The following THSD7B variants were observed in gnomAD, a reference collection of about 807,000 sequenced individuals.
THSD7B encodes the protein thrombospondin type 1 domain containing 7B.
A neutral mutation model predicts 213.6 loss-of-function variants in THSD7B; 138 were observed. The ratio of observed to expected loss-of-function variants is 0.65; its 90% CI spans 0.56 to 0.74. The LOEUF is 0.74. Ranked by LOEUF, THSD7B falls within the 30% of genes least tolerant of loss-of-function variation. The probability of loss-of-function intolerance (pLI) is 0.00; values close to 1 mark genes in which losing one functional copy is unlikely to be tolerated. For missense variants in THSD7B, 1,931 were observed against 1,991.5 expected, an observed-to-expected ratio of 0.97 and a Z score of 0.58; for synonymous variants, 742 against 687.0, an observed-to-expected ratio of 1.08 and a Z score of -1.25.
At chr2:137,395,504 G>A (rs1207762644) in intron 12 of THSD7B, among the ~76,000 whole-genome samples, 2 of 151,186 alleles carry the variant, frequency 1.3e-5, no homozygotes, top group Non-Finnish European at 3.0e-5. Context: ...TGCATCCCAG[G>A]GATGAAGCCC....
chr2:137,342,729 T>C (rs978670405), intron 12 of THSD7B, among the ~76,000 whole-genome samples: 4 of 151,556 alleles, frequency 2.6e-5, no homozygotes, highest in Admixed American at 6.6e-5. Flanking sequence ...TTTTGTTTTG[T>C]TTTGTTTTAT....
intron 15 of THSD7B, among the ~76,000 whole-genome samples, chr2:137,487,393 A>AG: frequency 7.0e-6 from 1 of 143,408 alleles, no homozygotes; most frequent in Non-Finnish European, 1.5e-5. Flanking sequence ...AAAAAAAAAA[A>AG]AAAAAAGAAC....
At chr2:136,835,572 T>C (rs1682829989) in intron 1 of THSD7B, among the ~76,000 whole-genome samples, 1 of 152,188 alleles carries the variant, frequency 6.6e-6, no homozygotes, top group East Asian at 1.9e-4. Flanking sequence ...AGCTGACTTT[T>C]ATACCCATAC....
In THSD7B at chr2:137,663,399, G is replaced by A. The variant is rs755958714; in HGVS notation, c.4475G>A (p.Cys1492Tyr). The A allele has an allele frequency of 6.3e-7, 1 of 1,584,804 alleles. No homozygotes were observed. The highest frequency in any genetic ancestry group is 8.6e-7 in the Non-Finnish European group (1 of 1,164,850). The change falls in exon 26 of 28, where the codon TGT becomes TAT. Residue 1492 changes from cysteine to tyrosine, a missense_variant. Cys to Tyr is a radical substitution (Grantham distance 194, BLOSUM62 -2). Coordinates refer to ENST00000409968, the MANE Select transcript of THSD7B (RefSeq NM_001316349.2). Reference sequence around the variant, plus strand: ...ATGCTGTAGGGTGGAGTCTGTGGTTGTGAGAAGGGCTATACAGAGATAATG... The same window carrying A: ...ATGCTGTAGGGTGGAGTCTGTGGTTATGAGAAGGGCTATACAGAGATAATG... ...SYCTQGGVCGCEKGYTEIMKS... is the reference protein window; with the variant it reads ...SYCTQGGVCGYEKGYTEIMKS...
chr2:136,945,777 G>A (rs2659000), intron 2 of THSD7B, among the ~76,000 whole-genome samples: 61,853 of 151,976 alleles, frequency 0.41, 14,794 homozygotes, highest in Non-Finnish European at 0.55. Flanking sequence ...ATTGAAGCTT[G>A]TGCATGCGTC....
At chr2:137,622,728 G>A (rs1258489011) in intron 20 of THSD7B, among the ~76,000 whole-genome samples, 2 of 152,134 alleles carry the variant, frequency 1.3e-5, no homozygotes, top group Non-Finnish European at 2.9e-5. Flanking sequence ...AGAAAATCTA[G>A]AAGAAATGGA....
At chr2:136,876,875 C>T (rs1225996111) in intron 1 of THSD7B, among the ~76,000 whole-genome samples, 1 of 152,140 alleles carries the variant, frequency 6.6e-6, no homozygotes, top group Non-Finnish European at 1.5e-5. Flanking sequence ...TGGGTAAACA[C>T]ATGTGTTTGT....
intron 12 of THSD7B, among the ~76,000 whole-genome samples, chr2:137,334,579 C>G (rs1327671687): frequency 6.6e-6 from 1 of 152,158 alleles, no homozygotes; most frequent in Non-Finnish European, 1.5e-5. Context: ...TCCAGCCCTA[C>G]TCTCCTGTAA....
At chr2:137,143,894 T>A (rs1432202) in intron 5 of THSD7B, among the ~76,000 whole-genome samples, 7 of 151,976 alleles carry the variant, frequency 4.6e-5, no homozygotes, top group Non-Finnish European at 1.0e-4. Context: ...ATTTTTTTGA[T>A]TTGTACATAT....
intron 2 of THSD7B, among the ~76,000 whole-genome samples, chr2:137,002,320 C>T (rs1259651480): frequency 6.6e-6 from 1 of 152,088 alleles, no homozygotes; most frequent in East Asian, 1.9e-4. Flanking sequence ...AGTAAACCTT[C>T]TCATGTTACA....
intron 1 of THSD7B, among the ~76,000 whole-genome samples, chr2:136,785,467 G>A (rs1412546620): frequency 0.01 from 1 of 96 alleles, no homozygotes; most frequent in Non-Finnish European, 0.022. Flanking sequence ...TTCCATCTTG[G>A]AGGACCCAGA....
At chr2:137,123,947 A>G (rs1000132277) in intron 5 of THSD7B, among the ~76,000 whole-genome samples, 14 of 152,182 alleles carry the variant, frequency 9.2e-5, no homozygotes, top group Non-Finnish European at 4.4e-5. Flanking sequence ...CAAAAGGTAG[A>G]TAAGAACTCA....
chr2:137,223,392 G>A (rs1681416547), intron 7 of THSD7B, among the ~76,000 whole-genome samples: 1 of 152,150 alleles, frequency 6.6e-6, no homozygotes, highest in African/African-American at 2.4e-5. Flanking sequence ...ATGTTTCTCT[G>A]ACCCTTGGCT....
At chr2:136,797,974 T>C (rs961165504) in intron 1 of THSD7B, among the ~76,000 whole-genome samples, 1 of 151,954 alleles carries the variant, frequency 6.6e-6, no homozygotes, top group East Asian at 1.9e-4. Flanking sequence ...ACTTTCTCAC[T>C]ACTATAATTC....
At position 137,115,251 on chromosome 2, in the gene THSD7B, GC is replaced by G; in HGVS notation, c.1330del (p.Gln444ArgfsTer9). Reference protein sequence around the residue: ...GGIQTREVYCAQSVPAAAALR... With the variant: ...GGIQTREVYCXQSVPAAAALR... ...GATCCAGACCCGGGAGGTGTACTGT[GC>G]CCAGAGCGTACCAGCAGCTGCCGCA... On this transcript the variant is annotated frameshift_variant, in exon 5 of 28. Coordinates refer to ENST00000409968, the MANE Select transcript of THSD7B (RefSeq NM_001316349.2). LOFTEE classifies it high-confidence loss of function. 1 of 1,607,656 alleles carries G rather than the reference GC, an allele frequency of 6.2e-7. No homozygotes were observed. Among genetic ancestry groups the G allele is most frequent in the Non-Finnish European group, 8.5e-7 (1 of 1,177,426 alleles).
intron 15 of THSD7B, among the ~76,000 whole-genome samples, chr2:137,479,954 T>G (rs1054757932): frequency 6.6e-6 from 1 of 152,142 alleles, no homozygotes; most frequent in African/African-American, 2.4e-5. Flanking sequence ...TCAGGGGGTC[T>G]CCCATGGCTA....
intron 1 of THSD7B, among the ~76,000 whole-genome samples, chr2:136,807,891 G>C (rs1255970075): frequency 5.3e-5 from 8 of 152,182 alleles, no homozygotes; most frequent in Non-Finnish European, 1.5e-5. Context: ...TTGTTGAACA[G>C]TAGTAAAAAC....
chr2:137,644,540 T>C (rs2104864402), intron 21 of THSD7B, among the ~76,000 whole-genome samples: 1 of 152,300 alleles, frequency 6.6e-6, no homozygotes, highest in East Asian at 1.9e-4. Context: ...GTTGAGTTTT[T>C]CCTGACTTCC....
chr2:137,305,841 T>C (rs565787475), intron 12 of THSD7B, among the ~76,000 whole-genome samples: 44 of 152,140 alleles, frequency 2.9e-4, no homozygotes, highest in Non-Finnish European at 5.4e-4. Flanking sequence ...CTAGATAGGA[T>C]AGCCTACTAT....
Sources: allele counts gnomAD v4.1 joint callset (sites outside exome capture counted in the v4.1 genomes callset), GRCh38; gene constraint gnomAD v4.1.1; transcripts MANE v1.5; gene names NCBI Gene and HGNC (gene_info 2026-07-23, HGNC 2026-07-21).